COMMD1: variants seen among roughly 807,000 people sequenced by gnomAD.
COMMD1 encodes the protein copper metabolism domain containing 1.
A neutral mutation model predicts 17.2 loss-of-function variants in COMMD1; 10 were observed. That is an observed-to-expected ratio of 0.58 (90% CI 0.36 to 0.99). The LOEUF is 0.99. Ranked by LOEUF, COMMD1 falls within the 50% of genes least tolerant of loss-of-function variation. The pLI is 0.01. For synonymous variants in COMMD1, 97 were observed against 91.6 expected, an observed-to-expected ratio of 1.06 and a Z score of -0.34; for missense variants, 270 against 231.8, an observed-to-expected ratio of 1.17 and a Z score of -1.07.
intron 1 of COMMD1, among the ~76,000 whole-genome samples, chr2:61,956,978 T>C (rs144276542): frequency 0.014 from 2,149 of 151,994 alleles, 19 homozygotes; most frequent in Non-Finnish European, 0.023. Flanking sequence ...CTCGAACTCC[T>C]GACCTCAAGT....
chr2:62,041,491 G>A (rs763068768), intron 2 of COMMD1, among the ~76,000 whole-genome samples: 1 of 152,102 alleles, frequency 6.6e-6, no homozygotes, highest in South Asian at 2.1e-4. Context: ...CTGCAGCCTT[G>A]ACCTTCCAGG....
chr2:61,982,776 A>G (rs1277230520), intron 1 of COMMD1, among the ~76,000 whole-genome samples: 2 of 152,188 alleles, frequency 1.3e-5, no homozygotes, highest in East Asian at 1.9e-4. Context: ...TTCACCATCA[A>G]TTGAAATGAT....
intron 1 of COMMD1, among the ~76,000 whole-genome samples, chr2:61,928,195 C>T (rs965414716): frequency 1.3e-5 from 2 of 151,914 alleles, no homozygotes; most frequent in Non-Finnish European, 2.9e-5. Context: ...CAGAGTTTCC[C>T]TCTGTTGCCT....
At chr2:61,955,613 C>A (rs192756779) in intron 1 of COMMD1, among the ~76,000 whole-genome samples, 269 of 152,026 alleles carry the variant, frequency 1.8e-3, no homozygotes, top group African/African-American at 5.4e-3. Context: ...TTAGCTTTTA[C>A]TTTTTGTCTT....
chr2:61,953,622 G>T (rs1431410873), intron 1 of COMMD1, among the ~76,000 whole-genome samples: 1 of 151,598 alleles, frequency 6.6e-6, no homozygotes, highest in Non-Finnish European at 1.5e-5. Flanking sequence ...TGCCCACCTC[G>T]GCTTCCCAAA....
chr2:61,983,302 G>T (rs1035607901), intron 1 of COMMD1, among the ~76,000 whole-genome samples: 2 of 150,892 alleles, frequency 1.3e-5, no homozygotes, highest in Admixed American at 1.3e-4. Context: ...TGATTCTCCT[G>T]CCTCAGCCTC....
At position 61,996,328 on chromosome 2, in the gene COMMD1, G is replaced by A. The variant is rs955859386; in HGVS notation, c.181-4373G>A. Among the ~76,000 whole-genome samples the A allele has an allele frequency of 2.2e-3, 334 of 151,020 alleles. 1 individual carries two copies. The highest frequency in any genetic ancestry group is 7.9e-3 in the African/African-American group (326 of 41,248). The stretch of plus-strand genomic sequence containing the variant: ...TTGTTTTCTAAATGTGTGTGTGTGT[G>A]TGTGTGTGTGTGTGTGTGTGTGTGT... On this transcript the variant is annotated intron_variant, in intron 1 of 2. Transcript: ENST00000311832.
chr2:61,915,686 A>C (rs1221383801), intron 1 of COMMD1: 1 of 453,496 alleles, frequency 2.2e-6, no homozygotes, highest in Admixed American at 2.4e-5. Flanking sequence ...TTTTAGAGAC[A>C]GAATCTCCCC....
chr2:61,974,015 C>G (rs1671722147), intron 1 of COMMD1, among the ~76,000 whole-genome samples: 1 of 152,354 alleles, frequency 6.6e-6, no homozygotes, highest in Non-Finnish European at 1.5e-5. Flanking sequence ...TATAATGGGG[C>G]TGGGCGCGAT....
intron 2 of COMMD1, among the ~76,000 whole-genome samples, chr2:62,079,480 A>G (rs76899550): frequency 0.049 from 7,463 of 152,212 alleles, 607 homozygotes; most frequent in African/African-American, 0.17. Context: ...AATATTATCA[A>G]TCTGTTCCCT....
rs373012927 is a variant in COMMD1, at chr2:61,949,176, GA to G, written c.180+43321del. 4.9e-4 allele frequency among the ~76,000 whole-genome samples: 74 copies of G among 152,352 alleles called. No individual in the cohort carries two copies. The East Asian group carries it at 0.014, about 29-fold the overall frequency. ...ATGCTTAGTAAAGTTATGCCAATAA[GA>G]AAGGAAGGGAAAGAGCTAGTGCTGC... is the stretch of plus-strand genomic sequence containing the variant. On this transcript the variant is annotated intron_variant, in intron 1 of 2. Coordinates refer to ENST00000311832, the MANE Select transcript of COMMD1 (RefSeq NM_152516.4).
At chr2:62,096,755 G>A (rs1282768951) in intron 2 of COMMD1, among the ~76,000 whole-genome samples, 4 of 152,228 alleles carry the variant, frequency 2.6e-5, no homozygotes, top group African/African-American at 7.2e-5. Flanking sequence ...TTAACTTGGG[G>A]AGGCAAAATT....
At chr2:62,081,397 A>G (rs1671515002) in intron 2 of COMMD1, among the ~76,000 whole-genome samples, 1 of 151,866 alleles carries the variant, frequency 6.6e-6, no homozygotes, top group Non-Finnish European at 1.5e-5. Context: ...GATTACAGGA[A>G]TGTGCCACCA....
In COMMD1 at chr2:62,048,430, C is replaced by T. The variant is rs181048901; in HGVS notation, c.462+47448C>T. Among the ~76,000 whole-genome samples, 875 of 151,978 alleles carry T rather than the reference C, an allele frequency of 5.8e-3. 9 individuals carry two copies. The highest frequency in any genetic ancestry group is 0.02 in the African/African-American group (836 of 41,450). ...GTCTTGATCTCCTGACCTCGTGATC[C>T]GCCCGCCTCGCCCTCCCAAAGTGCT... On this transcript the variant is annotated intron_variant, in intron 2 of 2. Transcript: ENST00000311832.
At chr2:61,933,512 A>G (rs1289384878) in intron 1 of COMMD1, among the ~76,000 whole-genome samples, 1 of 151,978 alleles carries the variant, frequency 6.6e-6, no homozygotes, top group African/African-American at 2.4e-5. Context: ...GCCCTTATGT[A>G]TCAATGTAGG....
At chr2:62,067,311 CTTAAAA>C (rs1215326620) in intron 2 of COMMD1, among the ~76,000 whole-genome samples, 7 of 151,692 alleles carry the variant, frequency 4.6e-5, no homozygotes, top group Admixed American at 4.6e-4. Flanking sequence ...CTTATAAGTA[CTTAAAA>C]TTAGTTTTCT....
intron 2 of COMMD1, among the ~76,000 whole-genome samples, chr2:62,014,861 G>A (rs1455076802): frequency 6.6e-6 from 1 of 151,848 alleles, no homozygotes; most frequent in Non-Finnish European, 1.5e-5. Flanking sequence ...CACTGCGCCC[G>A]GCCATTTCAG....
intron 2 of COMMD1, among the ~76,000 whole-genome samples, chr2:62,133,413 A>C (rs1449750616): frequency 6.6e-6 from 1 of 152,214 alleles, no homozygotes; most frequent in East Asian, 1.9e-4. Flanking sequence ...TAGGGGACGA[A>C]AAAGTTTTTC....
intron 1 of COMMD1, among the ~76,000 whole-genome samples, chr2:61,899,995 G>A (rs559121820): frequency 1.3e-5 from 2 of 152,166 alleles, no homozygotes; most frequent in African/African-American, 4.8e-5. Context: ...GCTTCTAAAA[G>A]AGTAATGTAT....
Sources: gnomAD v4.1 joint callset for allele counts (sites outside exome capture counted in the v4.1 genomes callset) on GRCh38, gnomAD v4.1.1 for gene constraint, MANE v1.5 for transcripts, NCBI Gene and HGNC (gene_info 2026-07-23, HGNC 2026-07-21) for gene names.